Variants in SLC24A2 observed in about 807,000 individuals in gnomAD.
The protein encoded by SLC24A2 is sodium/potassium/calcium exchanger 2.
SLC24A2 carries 36 observed loss-of-function variants against 62.0 expected under a neutral mutation model. The ratio of observed to expected loss-of-function variants is 0.58; its 90% confidence interval spans 0.44 to 0.77. The LOEUF is 0.77. Ranked by LOEUF, SLC24A2 falls within the 30% of genes least tolerant of loss-of-function variation. The pLI is 0.00. For synonymous variants in SLC24A2, 358 were observed against 294.0 expected (o/e 1.22, Z -2.23); for missense variants, 846 against 817.9 (o/e 1.03, Z -0.42).
At chr9:19,852,951 T>C in the SLC24A2 span, among the ~76,000 whole-genome samples, 1 of 152,212 alleles carries the variant, frequency 6.6e-6, no homozygotes, top group East Asian at 1.9e-4. Context: ...TCCATGAGCA[T>C]GGAGCGTTTT....
chr9:19,749,452 A>G (rs1430223709), intron 2 of SLC24A2, among the ~76,000 whole-genome samples: 3 of 152,164 alleles, frequency 2.0e-5, no homozygotes, highest in African/African-American at 7.2e-5. Flanking sequence ...CCTGTGGGAT[A>G]AGGGAGAACC....
At chr9:19,752,522 T>G (rs906280313) in intron 2 of SLC24A2, among the ~76,000 whole-genome samples, 1 of 152,134 alleles carries the variant, frequency 6.6e-6, no homozygotes, top group African/African-American at 2.4e-5. Context: ...CACGCAATCC[T>G]GGGGAGCTGG....
At chr9:19,960,106 A>T in the SLC24A2 span, among the ~76,000 whole-genome samples, 156 of 152,324 alleles carry the variant, frequency 1.0e-3, no homozygotes, top group African/African-American at 3.7e-3. Flanking sequence ...GGACAGAAGG[A>T]GTGGCTAGAG....
chr9:19,547,401 C>T lies in SLC24A2; in HGVS notation c.1479+2736G>A, dbSNP rs546396863. On this transcript the variant is annotated intron_variant, in intron 8 of 10. Transcript: ENST00000341998. Reference sequence around the variant, plus strand: ...TCTGTTTTCTTGCTCTGTGCCTCTCCGGATTGTGGCATCAGCCAGAGCAGT... The same window carrying T: ...TCTGTTTTCTTGCTCTGTGCCTCTCTGGATTGTGGCATCAGCCAGAGCAGT... 1.1e-4 allele frequency among the ~76,000 whole-genome samples: 17 copies of T among 152,250 alleles called. No homozygotes were observed. In the South Asian group the frequency reaches 2.1e-3, roughly 19 times the overall value.
chr9:19,920,696 C>A, the SLC24A2 span, among the ~76,000 whole-genome samples: 3 of 152,210 alleles, frequency 2.0e-5, no homozygotes, highest in Non-Finnish European at 4.4e-5. Context: ...ACTCTCCACG[C>A]TTCCCACTAG....
At chr9:19,818,647 G>A in the SLC24A2 span, among the ~76,000 whole-genome samples, 22 of 151,936 alleles carry the variant, frequency 1.4e-4, no homozygotes, top group Non-Finnish European at 2.4e-4. Flanking sequence ...CCAAGGAGTC[G>A]AAAGACCTCT....
intron 5 of SLC24A2, among the ~76,000 whole-genome samples, chr9:19,579,393 G>A (rs900611438): frequency 6.6e-6 from 1 of 152,150 alleles, no homozygotes; most frequent in Admixed American, 6.5e-5. Context: ...GTACTCTGCA[G>A]TCCTCAGCCT....
At chr9:19,540,360 T>A (rs1452032215) in intron 8 of SLC24A2, among the ~76,000 whole-genome samples, 2 of 145,706 alleles carry the variant, frequency 1.4e-5, no homozygotes, top group Admixed American at 1.4e-4. Context: ...TTCCTTTCCA[T>A]GTTTAGTGCT....
At chr9:19,820,532 T>A in the SLC24A2 span, among the ~76,000 whole-genome samples, 4 of 151,208 alleles carry the variant, frequency 2.6e-5, no homozygotes, top group Admixed American at 6.6e-5. Flanking sequence ...TAAAAAGTTT[T>A]AAAAAATAAA....
intron 7 of SLC24A2, among the ~76,000 whole-genome samples, chr9:19,557,938 G>A (rs1344894873): frequency 1.3e-5 from 2 of 150,916 alleles, no homozygotes; most frequent in Non-Finnish European, 2.9e-5. Context: ...TCCCACTTTA[G>A]CCTCCCAAGT....
chr9:19,529,809 G>A (rs1007322788), intron 8 of SLC24A2, among the ~76,000 whole-genome samples: 1 of 150,570 alleles, frequency 6.6e-6, no homozygotes, highest in South Asian at 2.1e-4. Context: ...GGAGTGCAGT[G>A]GCATGATCTT....
chr9:19,991,904 C>T, the SLC24A2 span, among the ~76,000 whole-genome samples: 1 of 152,032 alleles, frequency 6.6e-6, no homozygotes, highest in African/African-American at 2.4e-5. Context: ...AGGGCAGAGA[C>T]CCTAGAGACA....
the SLC24A2 span, among the ~76,000 whole-genome samples, chr9:20,014,345 C>A: frequency 6.6e-6 from 1 of 151,924 alleles, no homozygotes; most frequent in East Asian, 1.9e-4. Context: ...AAAAATAGAA[C>A]TACCGTATGA....
the SLC24A2 span, among the ~76,000 whole-genome samples, chr9:20,053,302 T>C: frequency 6.6e-6 from 1 of 152,162 alleles, no homozygotes; most frequent in Non-Finnish European, 1.5e-5. Context: ...GAGGGCTATA[T>C]AACCAGAGAT....
chr9:19,839,080 G>A, the SLC24A2 span, among the ~76,000 whole-genome samples: 2 of 152,240 alleles, frequency 1.3e-5, no homozygotes, highest in Non-Finnish European at 2.9e-5. Context: ...AGGGGGCGAA[G>A]TATATGAACA....
the SLC24A2 span, among the ~76,000 whole-genome samples, chr9:20,263,198 A>G: frequency 2.8e-4 from 43 of 152,328 alleles, no homozygotes; most frequent in Non-Finnish European, 1.3e-4. Context: ...ATAGTCAGCA[A>G]TAAAATTAAC....
chr9:19,616,134 GT>G (rs1817762661), intron 4 of SLC24A2, among the ~76,000 whole-genome samples: 1 of 152,082 alleles, frequency 6.6e-6, no homozygotes, highest in South Asian at 2.1e-4. Context: ...AAATTAGAGG[GT>G]TGATGAAGGA....
At chr9:19,601,283 G>A (rs1836833397) in intron 4 of SLC24A2, among the ~76,000 whole-genome samples, 1 of 152,164 alleles carries the variant, frequency 6.6e-6, no homozygotes, top group Non-Finnish European at 1.5e-5. Context: ...CCTAAAAGTA[G>A]CCAATTGCAG....
At chr9:19,542,902 T>C (rs1263604229) in intron 8 of SLC24A2, among the ~76,000 whole-genome samples, 2 of 152,174 alleles carry the variant, frequency 1.3e-5, no homozygotes, top group African/African-American at 2.4e-5. Flanking sequence ...ATTTTCTTTT[T>C]TTGTTGTGTC....
Sources: allele counts gnomAD v4.1 joint callset (sites outside exome capture counted in the v4.1 genomes callset), GRCh38; gene constraint gnomAD v4.1.1; transcripts MANE v1.5; gene names NCBI Gene and HGNC (gene_info 2026-07-23, HGNC 2026-07-21).